Variants in SYTL3 observed in about 807,000 individuals in gnomAD.
The protein encoded by SYTL3 is synaptotagmin-like protein 3.
In SYTL3, 88 loss-of-function variants were observed where a neutral mutation model predicts 82.1. That is an observed-to-expected ratio of 1.07 (90% CI 0.90 to 1.28). The LOEUF is 1.28. Among genes scored for constraint, SYTL3 ranks in the 50% most tolerant of loss-of-function variants. The probability of loss-of-function intolerance (pLI) is 0.00; values close to 1 mark genes in which losing one functional copy is unlikely to be tolerated. For synonymous variants in SYTL3, 311 were observed against 289.4 expected (o/e 1.07, Z -0.76); for missense variants, 831 against 757.6 (o/e 1.10, Z -1.14).
At chr6:158,726,404 C>G (rs768435447) in intron 11 of SYTL3, 3 of 225,804 alleles carry the variant, frequency 1.3e-5, no homozygotes, top group Admixed American at 1.1e-4. Flanking sequence ...CACCTCATTG[C>G]AGAAACAGGA....
rs61738619 is a variant in SYTL3 at position 158,757,284 on chromosome 6, G to A, written c.1211G>A (p.Arg404Gln). ...VSVWHLGTLA[R>Q]RVFLGEVIIP... ...GTGTGGCATCTGGGCACGCTGGCCC[G>A]GAGAGTGTTTCTTGGAGAAGTGATC... is the stretch of plus-strand genomic sequence containing the variant. The change falls in exon 14 of 18, where the codon CGG becomes CAG. Residue 404 changes from arginine to glutamine, a missense_variant. Coordinates refer to ENST00000611299, the MANE Select transcript of SYTL3 (RefSeq NM_001242394.2). 322 of 1,613,770 alleles carry A rather than the reference G, an allele frequency of 2.0e-4. 2 individuals carry two copies. In the African/African-American group the frequency reaches 3.5e-3, roughly 17 times the overall value.
chr6:158,707,638 C>T (rs1292798238), intron 7 of SYTL3, among the ~76,000 whole-genome samples: 1 of 152,190 alleles, frequency 6.6e-6, no homozygotes, highest in Non-Finnish European at 1.5e-5. Context: ...AACACCCTAC[C>T]CAGCGCCTGG....
intron 9 of SYTL3, among the ~76,000 whole-genome samples, chr6:158,717,343 A>G (rs764042628): frequency 1.3e-5 from 2 of 151,900 alleles, no homozygotes; most frequent in Non-Finnish European, 2.9e-5. Context: ...TATGGCTACT[A>G]TAAAATTTAA....
At chr6:158,679,438 T>C (rs1424971400) in intron 5 of SYTL3, among the ~76,000 whole-genome samples, 1 of 152,104 alleles carries the variant, frequency 6.6e-6, no homozygotes, top group African/African-American at 2.4e-5. Context: ...GTGGAATAAT[T>C]GCTTATGAAG....
At chr6:158,744,745 TG>T (rs1327289096) in intron 11 of SYTL3, among the ~76,000 whole-genome samples, 2 of 152,222 alleles carry the variant, frequency 1.3e-5, no homozygotes, top group Non-Finnish European at 2.9e-5. Flanking sequence ...ATTGGTTGCA[TG>T]CAAAGTATTT....
chr6:158,690,356 TCC>T, intron 6 of SYTL3, among the ~76,000 whole-genome samples: 1 of 152,354 alleles, frequency 6.6e-6, no homozygotes, highest in East Asian at 1.9e-4. Flanking sequence ...TAGACATCCT[TCC>T]CTTTTTGACA....
At position 158,670,188 on chromosome 6, in the gene SYTL3, T is replaced by G. The variant is rs1011915266; in HGVS notation, c.329+4575T>G. On this transcript the variant is annotated intron_variant, in intron 5 of 17. Coordinates refer to ENST00000611299, the MANE Select transcript of SYTL3 (RefSeq NM_001242394.2). ...TTCAGACTGGTTTTCCCAGTACTTT[T>G]ATAATCCCATGTTTTGATAAAATAT... is the stretch of plus-strand genomic sequence containing the variant. Among the ~76,000 whole-genome samples, 13 of 152,252 alleles carry G rather than the reference T, an allele frequency of 8.5e-5. No individual in the cohort carries two copies. In the East Asian group the frequency reaches 2.3e-3, roughly 27 times the overall value.
chr6:158,699,711 G>T (rs368818699), intron 6 of SYTL3, among the ~76,000 whole-genome samples: 42 of 152,146 alleles, frequency 2.8e-4, no homozygotes, highest in African/African-American at 9.4e-4. Context: ...ACTTTGGGAG[G>T]CTGAGGTGGG....
chr6:158,716,275 A>T, intron 9 of SYTL3, among the ~76,000 whole-genome samples: 1 of 152,168 alleles, frequency 6.6e-6, no homozygotes. Context: ...CTGACCTATA[A>T]GCCTATTTCT....
chr6:158,651,293 A>G (rs909878540), intron 1 of SYTL3, among the ~76,000 whole-genome samples: 12 of 152,162 alleles, frequency 7.9e-5, no homozygotes, highest in African/African-American at 2.4e-4. Flanking sequence ...CTAGAAGGAT[A>G]TAATAATATT....
At chr6:158,755,743 A>G (rs1489253474) in intron 13 of SYTL3, among the ~76,000 whole-genome samples, 2 of 152,256 alleles carry the variant, frequency 1.3e-5, no homozygotes, top group East Asian at 3.8e-4. Context: ...CAGCTGCTGC[A>G]AATGGGTGCA....
chr6:158,665,035 T>G (rs1465437880), intron 4 of SYTL3, among the ~76,000 whole-genome samples: 1 of 152,230 alleles, frequency 6.6e-6, no homozygotes, highest in African/African-American at 2.4e-5. Context: ...CTCCTTTCAG[T>G]GTCTTTTCCT....
intron 5 of SYTL3, among the ~76,000 whole-genome samples, chr6:158,679,361 C>A (rs922381414): frequency 7.9e-5 from 12 of 151,444 alleles, no homozygotes; most frequent in African/African-American, 2.4e-4. Flanking sequence ...TAGAATGAGA[C>A]CCTGTCTCAA....
At chr6:158,729,770 G>T (rs1197196299) in intron 11 of SYTL3, among the ~76,000 whole-genome samples, 6 of 151,792 alleles carry the variant, frequency 4.0e-5, no homozygotes, top group African/African-American at 1.5e-4. Context: ...GTTTCACCGT[G>T]TTAGCCAGGA....
intron 6 of SYTL3, among the ~76,000 whole-genome samples, chr6:158,689,817 C>A (rs1165477851): frequency 3.3e-5 from 5 of 152,024 alleles, no homozygotes; most frequent in Admixed American, 3.3e-4. Context: ...CCATGCTCAG[C>A]TGATTTTTGT....
chr6:158,722,762 G>GTTTTTTTTTTT lies in SYTL3; in HGVS notation c.721-2725_721-2715dup, dbSNP rs34189391. On this transcript the variant is annotated intron_variant, in intron 10 of 17. Coordinates refer to ENST00000611299, the MANE Select transcript of SYTL3 (RefSeq NM_001242394.2). The stretch of plus-strand genomic sequence containing the variant: ...AGGAAAAAGATTTTCTCTCTTTTCT[G>GTTTTTTTTTTT]TTTTTTTTTTTTTTTTTTTTTTTTT... Among the ~76,000 whole-genome samples, 63 of 80,876 alleles carry GTTTTTTTTTTT rather than the reference G, an allele frequency of 7.8e-4. 4 individuals are homozygous for GTTTTTTTTTTT. Among genetic ancestry groups the GTTTTTTTTTTT allele is most frequent in the Non-Finnish European group, 9.8e-4 (43 of 43,852 alleles). The allele number at this position is 80,876 out of a possible 152,430, so 53.1% of individuals were successfully genotyped here.
rs748299474 is a variant in SYTL3 at position 158,757,194 on chromosome 6, C to G, written c.1138-17C>G. The G allele has an allele frequency of 1.2e-4, 187 of 1,604,866 alleles. No individual in the cohort carries two copies. The highest frequency in any genetic ancestry group is 1.6e-4 in the Non-Finnish European group (185 of 1,178,962). ...GCCCCGGGAGCCCAGCTGACCATCT[C>G]TTCCTTGCCTCTGCAGTATCAGGTG... On this transcript the variant is annotated splice_polypyrimidine_tract_variant and intron_variant, in intron 13 of 17. Coordinates refer to ENST00000611299, the MANE Select transcript of SYTL3 (RefSeq NM_001242394.2).
intron 6 of SYTL3, among the ~76,000 whole-genome samples, chr6:158,690,748 G>A (rs993085962): frequency 6.6e-6 from 1 of 151,980 alleles, no homozygotes; most frequent in South Asian, 2.1e-4. Context: ...TTCATAACTG[G>A]ATATTTAGTT....
At position 158,665,449 on chromosome 6, in the gene SYTL3, C is replaced by G; in HGVS notation, c.165C>G (p.Asp55Glu). ...GGTGGAAAGGAGCGAAGAACACGGACTGGGAGCACAAAGAGAAGTGCTGTG... is the reference window on the plus strand; with the variant it reads ...GGTGGAAAGGAGCGAAGAACACGGAGTGGGAGCACAAAGAGAAGTGCTGTG... ...HLRWKGAKNT[D>E]WEHKEKCCAR... The change falls in exon 5 of 18, where the codon GAC (aspartate) becomes GAG (glutamate). Residue 55 changes from aspartate to glutamate, a missense_variant. Physicochemically the swap from Asp to Glu is conservative, Grantham distance 45. Coordinates refer to ENST00000611299, the MANE Select transcript of SYTL3 (RefSeq NM_001242394.2). 1.2e-6 allele frequency: 2 copies of G among 1,609,044 alleles called. No homozygotes were observed. The highest frequency in any genetic ancestry group is 1.7e-6 in the Non-Finnish European group (2 of 1,177,806).
Sources: gnomAD v4.1 joint callset for allele counts (sites outside exome capture counted in the v4.1 genomes callset) on GRCh38, gnomAD v4.1.1 for gene constraint, MANE v1.5 for transcripts, NCBI Gene and HGNC (gene_info 2026-07-23, HGNC 2026-07-21) for gene names.